The following LRCH2 variants were observed in gnomAD, a reference collection of about 807,000 sequenced individuals.
LRCH2 encodes leucine-rich repeat and calponin homology domain-containing protein 2.
In LRCH2, 38 loss-of-function variants were observed where a neutral mutation model predicts 68.9. The ratio of observed to expected loss-of-function variants is 0.55; its 90% CI spans 0.43 to 0.72. LRCH2 has a LOEUF of 0.72. Ranked by LOEUF, LRCH2 falls within the 30% of genes least tolerant of loss-of-function variation. The pLI, the probability that LRCH2 is intolerant of heterozygous loss-of-function variation, is 0.00. For missense variants in LRCH2, 528 were observed against 572.9 expected, an observed-to-expected ratio of 0.92 and a Z score of 0.80; for synonymous variants, 191 against 208.1, an observed-to-expected ratio of 0.92 and a Z score of 0.71.
rs200288526 is a variant in LRCH2 at position 115,150,410 on chromosome X, TA to T, written c.1530-341del. ...TTATATTAAAATAATTAACAAAGAC[TA>T]AAAAAAACTAATAATTTCCTTTGTC... On this transcript the variant is annotated intron_variant, in intron 12 of 20. Coordinates refer to ENST00000317135, the MANE Select transcript of LRCH2 (RefSeq NM_020871.4). Among the ~76,000 whole-genome samples the T allele has an allele frequency of 3.7e-3, 407 of 110,670 alleles. 3 individuals carry two copies. In the Admixed American group the frequency reaches 0.037, roughly 10 times the overall value.
At chrX:115,140,768 G>A (rs1454546180) in intron 14 of LRCH2, among the ~76,000 whole-genome samples, 2 of 111,906 alleles carry the variant, frequency 1.8e-5, no homozygotes, top group Non-Finnish European at 3.8e-5. Context: ...GTGGAAAGGG[G>A]AAAGAAGAGT....
intron 5 of LRCH2, among the ~76,000 whole-genome samples, chrX:115,172,883 G>A (rs1306583383): frequency 9.3e-6 from 1 of 107,053 alleles, no homozygotes; most frequent in African/African-American, 3.4e-5. Flanking sequence ...CCCTCACTTT[G>A]GTATAGTACA....
intron 1 of LRCH2, among the ~76,000 whole-genome samples, chrX:115,217,993 T>C (rs782048039): frequency 2.2e-4 from 25 of 111,849 alleles, no homozygotes; most frequent in Non-Finnish European, 4.5e-4. Flanking sequence ...TGATGAACTT[T>C]TTTTCTTATG....
chrX:115,141,029 G>A (rs1473863274), intron 14 of LRCH2, among the ~76,000 whole-genome samples: 2 of 107,575 alleles, frequency 1.9e-5, no homozygotes, highest in East Asian at 3.0e-4. Context: ...TCAGGAGATC[G>A]AGACCATCCT....
intron 5 of LRCH2, 29 bp downstream of exon 5, chrX:115,179,398 A>G: frequency 9.6e-7 from 1 of 1,036,979 alleles, no homozygotes; most frequent in South Asian, 2.9e-5. Flanking sequence ...AAAAATGAGA[A>G]GAAACATTAT....
intron 1 of LRCH2, chrX:115,190,598 A>C: frequency 5.2e-6 from 1 of 194,103 alleles, no homozygotes; most frequent in Non-Finnish European, 8.6e-6. Flanking sequence ...TACGGAGAAG[A>C]AGGCTGCTAC....
chrX:115,141,857 G>A (rs1441313469), intron 14 of LRCH2, among the ~76,000 whole-genome samples: 1 of 94,321 alleles, frequency 1.1e-5, no homozygotes, highest in Non-Finnish European at 2.1e-5. Context: ...CTGGGTGACA[G>A]AGGAAGACTC....
chrX:115,124,048 C>A (rs2072165603), intron 16 of LRCH2, 46 bp from the exon 17 acceptor site: 3 of 755,021 alleles, frequency 4.0e-6, no homozygotes, highest in Non-Finnish European at 5.5e-6. Flanking sequence ...AATAAAACTT[C>A]TTTTCTTTCA....
At chrX:115,151,383 TGAAA>T (rs1330273188) in intron 12 of LRCH2, among the ~76,000 whole-genome samples, 1 of 109,201 alleles carries the variant, frequency 9.2e-6, no homozygotes, top group East Asian at 2.9e-4. Context: ...AAATATACAC[TGAAA>T]GAAAGAATAA....
At chrX:115,115,658 T>C (rs1556523802) in intron 20 of LRCH2, among the ~76,000 whole-genome samples, 1 of 110,940 alleles carries the variant, frequency 9.0e-6, no homozygotes, top group Admixed American at 9.7e-5. Context: ...TTTTCTTAGA[T>C]ATGATATCAA....
At chrX:115,141,709 T>C (rs782439545) in intron 14 of LRCH2, among the ~76,000 whole-genome samples, 37 of 107,477 alleles carry the variant, frequency 3.4e-4, no homozygotes, top group Non-Finnish European at 6.2e-4. Context: ...CTACTAAAAA[T>C]ACAAAAAATA....
At chrX:115,117,811 G>A (rs2072096518) in intron 20 of LRCH2, among the ~76,000 whole-genome samples, 1 of 110,832 alleles carries the variant, frequency 9.0e-6, no homozygotes, top group Non-Finnish European at 1.9e-5. Context: ...AGACACATGA[G>A]GAAATTTTGG....
intron 1 of LRCH2, among the ~76,000 whole-genome samples, chrX:115,201,395 TAAAC>T (rs782759603): frequency 2.7e-5 from 3 of 111,729 alleles, no homozygotes; most frequent in Admixed American, 9.5e-5. Context: ...ATACATCACA[TAAAC>T]AAAATTAGGA....
At chrX:115,207,435 G>T (rs185024365) in intron 1 of LRCH2, among the ~76,000 whole-genome samples, 3 of 111,527 alleles carry the variant, frequency 2.7e-5, no homozygotes, top group African/African-American at 9.8e-5. Context: ...TACTCGGGAG[G>T]CTAAGAGGTG....
At chrX:115,131,078 T>C (rs782282900) in intron 14 of LRCH2, among the ~76,000 whole-genome samples, 11 of 111,358 alleles carry the variant, frequency 9.9e-5, no homozygotes, top group Non-Finnish European at 1.7e-4. Context: ...TAAATTATTA[T>C]TATTTTTACA....
At chrX:115,219,185 C>T (rs2073062249) in intron 1 of LRCH2, among the ~76,000 whole-genome samples, 1 of 111,467 alleles carries the variant, frequency 9.0e-6, no homozygotes, top group African/African-American at 3.3e-5. Flanking sequence ...AAAAGAAAAC[C>T]AAGTGCAGGC....
chrX:115,178,294 G>C (rs1468250988), intron 5 of LRCH2, among the ~76,000 whole-genome samples: 1 of 111,915 alleles, frequency 8.9e-6, no homozygotes, highest in Non-Finnish European at 1.9e-5. Flanking sequence ...GGAGCTACCA[G>C]TCACATGCAG....
chrX:115,143,589 CA>C (rs1326316688), intron 14 of LRCH2, among the ~76,000 whole-genome samples: 3 of 111,144 alleles, frequency 2.7e-5, no homozygotes, highest in Non-Finnish European at 5.7e-5. Context: ...TCAAAGTATT[CA>C]AAAAATTGAA....
intron 15 of LRCH2, among the ~76,000 whole-genome samples, chrX:115,128,104 C>A (rs782157336): frequency 2.7e-5 from 3 of 111,471 alleles, no homozygotes; most frequent in Non-Finnish European, 5.6e-5. Flanking sequence ...GGGCCTCTGC[C>A]GGAGCAGAAA....
Sources: allele counts gnomAD v4.1 joint callset (sites outside exome capture counted in the v4.1 genomes callset), GRCh38; gene constraint gnomAD v4.1.1; transcripts MANE v1.5; gene names NCBI Gene and HGNC (gene_info 2026-07-23, HGNC 2026-07-21).